The following ACMSD variants were observed in gnomAD, a reference collection of about 807,000 sequenced individuals.
The protein encoded by ACMSD is aminocarboxymuconate semialdehyde decarboxylase, also known as 2-amino-3-carboxymuconate-6-semialdehyde decarboxylase.
A neutral mutation model predicts 45.9 loss-of-function variants in ACMSD; 37 were observed. The ratio of observed to expected loss-of-function variants is 0.81; its 90% CI spans 0.62 to 1.06. The LOEUF (loss-of-function observed/expected upper bound fraction) is 1.06, where lower values mean the gene tolerates loss of function less well. ACMSD is among the 50% of genes least tolerant of loss of function. The pLI, the probability that ACMSD is intolerant of heterozygous loss-of-function variation, is 0.00. For synonymous variants in ACMSD, 138 were observed against 148.8 expected (o/e 0.93, Z 0.53); for missense variants, 434 against 420.9 (o/e 1.03, Z -0.27).
chr2:134,842,203 C>T (rs1284970149), intron 1 of ACMSD, among the ~76,000 whole-genome samples: 2 of 152,132 alleles, frequency 1.3e-5, no homozygotes, highest in Non-Finnish European at 2.9e-5. Flanking sequence ...CTCCCAGGGT[C>T]ATAAATTTTA....
chr2:134,863,310 A>T, intron 4 of ACMSD, 85 bp from the exon 5 acceptor site: 1 of 1,271,956 alleles, frequency 7.9e-7, no homozygotes, highest in Non-Finnish European at 1.1e-6. Flanking sequence ...CAAATATTAT[A>T]GCCATGAGGA....
At chr2:134,872,242 C>A (rs1688492358) in intron 7 of ACMSD, among the ~76,000 whole-genome samples, 1 of 152,156 alleles carries the variant, frequency 6.6e-6, no homozygotes, top group African/African-American at 2.4e-5. Flanking sequence ...TAGGTGTGAG[C>A]CATTGTGCCT....
chr2:134,844,163 T>A (rs1242256490), intron 1 of ACMSD, among the ~76,000 whole-genome samples: 5 of 152,268 alleles, frequency 3.3e-5, no homozygotes, highest in Admixed American at 1.3e-4. Flanking sequence ...TACTTACCTA[T>A]GTTTTCAGGC....
At chr2:134,845,508 G>GTTCTCTCTCTCT (rs1339823151) in intron 2 of ACMSD, among the ~76,000 whole-genome samples, 1 of 80,996 alleles carries the variant, frequency 1.2e-5, no homozygotes, top group Non-Finnish European at 2.3e-5. Flanking sequence ...CACATTAAAA[G>GTTCTCTCTCTCT]GTCTCTCTCT....
At chr2:134,867,516 G>A in intron 5 of ACMSD, 63 bp from the exon 6 acceptor site, 1 of 1,307,866 alleles carries the variant, frequency 7.6e-7, no homozygotes, top group African/African-American at 1.4e-5. Flanking sequence ...CCCCAAAACA[G>A]TACCTGGTAT....
chr2:134,875,906 A>G (rs1688709833), intron 8 of ACMSD, among the ~76,000 whole-genome samples: 1 of 152,206 alleles, frequency 6.6e-6, no homozygotes, highest in Non-Finnish European at 1.5e-5. Context: ...ACAAACTTTT[A>G]TGGTACAGCC....
At chr2:134,883,565 G>A (rs992154567) in intron 8 of ACMSD, among the ~76,000 whole-genome samples, 3 of 152,118 alleles carry the variant, frequency 2.0e-5, no homozygotes, top group Admixed American at 6.5e-5. Context: ...ACAATGGTGC[G>A]ATCATAGCTC....
intron 4 of ACMSD, 44 bp from the exon 5 acceptor site, chr2:134,863,351 G>A (rs746397378): frequency 6.4e-7 from 1 of 1,565,598 alleles, no homozygotes; most frequent in Non-Finnish European, 8.8e-7. Flanking sequence ...TCTAAAAGAA[G>A]TAGGTTTTCA....
At chr2:134,847,401 T>TAGATAGATAGAC (rs1270789933) in intron 2 of ACMSD, among the ~76,000 whole-genome samples, 14 of 45,112 alleles carry the variant, frequency 3.1e-4, no homozygotes, top group African/African-American at 1.7e-3. Flanking sequence ...GGGATACAGA[T>TAGATAGATAGAC]AGATAGATAG....
Position 134,885,256 on chromosome 2 carries a change from A to AAT in ACMSD, c.849+12625_849+12626dup, listed in dbSNP as rs111637739. ...CATATGTAAATATATATTTATATATAATATATATATAAATATATATATTAT... is the reference window on the plus strand; with the variant it reads ...CATATGTAAATATATATTTATATATAATATATATATATAAATATATATATTAT... On this transcript the variant is annotated intron_variant, in intron 8 of 9. Coordinates refer to ENST00000356140, the MANE Select transcript of ACMSD (RefSeq NM_138326.3). Among the ~76,000 whole-genome samples, 357 of 108,782 alleles carry AAT rather than the reference A, an allele frequency of 3.3e-3. 3 individuals are homozygous for AAT. Among genetic ancestry groups the AAT allele is most frequent in the Admixed American group, 4.0e-3 (27 of 6,810 alleles). The allele number at this position is 108,782 out of a possible 152,430, so 71.4% of individuals were successfully genotyped here. A position where few individuals can be genotyped will look rare whatever the true frequency, so the allele number is the denominator to read the frequency against.
intron 8 of ACMSD, among the ~76,000 whole-genome samples, chr2:134,888,779 C>T (rs908169861): frequency 1.7e-4 from 26 of 151,846 alleles, no homozygotes; most frequent in Non-Finnish European, 3.8e-4. Context: ...ATATGAAGTT[C>T]TTGAAGAGGC....
At chr2:134,846,105 C>T (rs1687041378) in intron 2 of ACMSD, among the ~76,000 whole-genome samples, 1 of 152,162 alleles carries the variant, frequency 6.6e-6, no homozygotes, top group Non-Finnish European at 1.5e-5. Flanking sequence ...GCCCATCCCA[C>T]ATCTTAAAGC....
intron 6 of ACMSD, among the ~76,000 whole-genome samples, chr2:134,869,715 T>C (rs1364231511): frequency 2.0e-5 from 3 of 151,836 alleles, no homozygotes; most frequent in Non-Finnish European, 4.4e-5. Context: ...AGTATATATA[T>C]ATATATATAT....
intron 8 of ACMSD, among the ~76,000 whole-genome samples, chr2:134,879,978 T>A (rs1688947504): frequency 6.6e-6 from 1 of 152,200 alleles, no homozygotes; most frequent in Non-Finnish European, 1.5e-5. Flanking sequence ...TTTTACTCCT[T>A]CATCTTGGTG....
At chr2:134,859,502 A>T in intron 3 of ACMSD, 145 bp downstream of exon 3, 1 of 677,710 alleles carries the variant, frequency 1.5e-6, no homozygotes, top group Non-Finnish European at 2.5e-6. Context: ...TGTGGGAGGG[A>T]CAGGGCCTTC....
chr2:134,851,114 C>G (rs1553509481), intron 2 of ACMSD, among the ~76,000 whole-genome samples: 1 of 152,152 alleles, frequency 6.6e-6, no homozygotes, highest in Non-Finnish European at 1.5e-5. Context: ...TGTGTTGCTG[C>G]AAGGATATGA....
chr2:134,870,778 A>C (rs185849362), intron 6 of ACMSD, among the ~76,000 whole-genome samples, 187 bp from the exon 7 acceptor site: 2 of 152,272 alleles, frequency 1.3e-5, no homozygotes, highest in African/African-American at 4.8e-5. Flanking sequence ...TCTCCCTTCA[A>C]GTGGCAAGTA....
At chr2:134,852,919 T>G (rs190351879) in intron 2 of ACMSD, among the ~76,000 whole-genome samples, 1 of 151,910 alleles carries the variant, frequency 6.6e-6, no homozygotes. Context: ...TCCCAGCACT[T>G]TGGGAGGCTG....
intron 5 of ACMSD, 132 bp from the exon 6 acceptor site, chr2:134,867,447 C>T (rs1296569378): frequency 8.2e-6 from 5 of 608,292 alleles, no homozygotes; most frequent in Non-Finnish European, 1.4e-5. Flanking sequence ...CATAAAACAA[C>T]TTAAAAAGCA....
Sources: gnomAD v4.1 joint callset for allele counts (sites outside exome capture counted in the v4.1 genomes callset) on GRCh38, gnomAD v4.1.1 for gene constraint, MANE v1.5 for transcripts, NCBI Gene and HGNC (gene_info 2026-07-23, HGNC 2026-07-21) for gene names.